The following RABGEF1 variants were observed in gnomAD, a reference collection of about 807,000 sequenced individuals.
RABGEF1 encodes RAB guanine nucleotide exchange factor 1, also known as rab5 GDP/GTP exchange factor.
A neutral mutation model predicts 57.3 loss-of-function variants in RABGEF1; 26 were observed. The ratio of observed to expected loss-of-function variants is 0.45; its 90% confidence interval spans 0.33 to 0.63. The LOEUF (loss-of-function observed/expected upper bound fraction) is 0.63. RABGEF1 is among the 20% of genes least tolerant of loss of function. RABGEF1 has a pLI of 0.02. For synonymous variants in RABGEF1, 185 were observed against 210.7 expected (o/e 0.88, Z 1.06); for missense variants, 464 against 607.6 (o/e 0.76, Z 2.48).
At chr7:66,759,745 AG>A (rs1562800729) in intron 1 of RABGEF1, among the ~76,000 whole-genome samples, 2 of 152,156 alleles carry the variant, frequency 1.3e-5, no homozygotes, top group Non-Finnish European at 2.9e-5. Flanking sequence ...ACAGAACCAC[AG>A]GGGATGGTGC....
intron 1 of RABGEF1, among the ~76,000 whole-genome samples, chr7:66,748,517 G>A (rs570182124): frequency 8.5e-5 from 13 of 152,294 alleles, no homozygotes; most frequent in East Asian, 1.9e-4. Flanking sequence ...GGGGTATCAC[G>A]ATGGAACAGT....
chr7:66,719,153 G>A (rs116938418), intron 2 of RABGEF1, among the ~76,000 whole-genome samples: 1,636 of 152,302 alleles, frequency 0.011, 13 homozygotes, highest in Non-Finnish European at 0.017. Context: ...AGTAGGGAAC[G>A]GCAATTAACA....
rs769730700 is a variant in RABGEF1 at position 66,797,358 on chromosome 7, T to C, written c.596-16T>C. The C allele has an allele frequency of 4.4e-6, 7 of 1,587,440 alleles. 1 individual carries two copies. The highest frequency in any genetic ancestry group is 1.4e-5 in the African/African-American group (1 of 72,928). ...AATATATATATCTTGATCTTTTCTCTGTCTGGTTATTTCAGTGCCTCCAGA... is the reference window on the plus strand; with the variant it reads ...AATATATATATCTTGATCTTTTCTCCGTCTGGTTATTTCAGTGCCTCCAGA... On this transcript the variant is annotated splice_polypyrimidine_tract_variant and intron_variant, in intron 5 of 8. Coordinates refer to ENST00000284957, the MANE Select transcript of RABGEF1 (RefSeq NM_014504.3).
At chr7:66,687,225 A>G (rs1393118278) in intron 1 of RABGEF1, among the ~76,000 whole-genome samples, 2 of 148,750 alleles carry the variant, frequency 1.3e-5, no homozygotes, top group African/African-American at 5.0e-5. Flanking sequence ...TCCCAAGTTC[A>G]AGCAGTCCTC....
chr7:66,770,695 G>T (rs1263056134), intron 1 of RABGEF1, among the ~76,000 whole-genome samples: 4 of 152,116 alleles, frequency 2.6e-5, no homozygotes, highest in Admixed American at 6.5e-5. Context: ...TGTTGCCCAG[G>T]CTGGTCCTGA....
chr7:66,737,625 G>A (rs575821450), upstream of RABGEF1, among the ~76,000 whole-genome samples: 1 of 152,260 alleles, frequency 6.6e-6, no homozygotes, highest in Admixed American at 6.5e-5. Flanking sequence ...TTTTGCCAAG[G>A]AAAGTCTTTT....
chr7:66,750,878 A>G (rs1369125269), intron 1 of RABGEF1, among the ~76,000 whole-genome samples: 1 of 152,248 alleles, frequency 6.6e-6, no homozygotes, highest in Non-Finnish European at 1.5e-5. Context: ...TCTGAGTACT[A>G]GAAAATACTC....
chr7:66,665,309 T>TG, the RABGEF1 span: 1 of 92,440 alleles, frequency 1.1e-5, no homozygotes, highest in Non-Finnish European at 2.2e-5. Flanking sequence ...TATGCCGTGC[T>TG]AATTTTTTTT....
intron 1 of RABGEF1, among the ~76,000 whole-genome samples, chr7:66,685,943 A>C (rs1229260493): frequency 1.3e-5 from 2 of 152,280 alleles, no homozygotes; most frequent in East Asian, 3.9e-4. Context: ...GTGACTCAGA[A>C]TAGAAATGGT....
intron 1 of RABGEF1, among the ~76,000 whole-genome samples, chr7:66,758,999 A>G (rs1362726236): frequency 6.6e-6 from 1 of 152,236 alleles, no homozygotes; most frequent in African/African-American, 2.4e-5. Context: ...CATGTTACAT[A>G]ACTATAATGT....
At chr7:66,794,003 G>A (rs1404654117) in intron 4 of RABGEF1, among the ~76,000 whole-genome samples, 2 of 152,056 alleles carry the variant, frequency 1.3e-5, no homozygotes, top group Non-Finnish European at 2.9e-5. Context: ...TTTGATTTTG[G>A]TGTCAGAATT....
intron 2 of RABGEF1, among the ~76,000 whole-genome samples, chr7:66,724,159 C>T (rs1796344574): frequency 6.6e-6 from 1 of 152,040 alleles, no homozygotes; most frequent in Admixed American, 6.6e-5. Context: ...TTCCCCCCAG[C>T]ACTCTAAAGA....
chr7:66,787,567 ACTC>A (rs1811519900), intron 4 of RABGEF1, among the ~76,000 whole-genome samples: 1 of 151,068 alleles, frequency 6.6e-6, no homozygotes, highest in African/African-American at 2.4e-5. Context: ...CTGGTCATGA[ACTC>A]CTAGCCTCAC....
intron 1 of RABGEF1, among the ~76,000 whole-genome samples, chr7:66,764,472 A>G (rs1352987787): frequency 2.0e-5 from 3 of 152,166 alleles, no homozygotes; most frequent in African/African-American, 7.2e-5. Flanking sequence ...TTGGAGTACA[A>G]TTTATCTGTC....
chr7:66,737,067 AGAGAGT>A (rs1382098765), upstream of RABGEF1, among the ~76,000 whole-genome samples: 2 of 85,568 alleles, frequency 2.3e-5, no homozygotes, highest in East Asian at 5.3e-4. Flanking sequence ...AGAGAGAGAG[AGAGAGT>A]GAGAGAGAGA....
chr7:66,705,443 A>AAGAGAGAGAG lies in RABGEF1; in HGVS notation c.-872-6689_-872-6680dup, dbSNP rs57856916. Reference sequence around the variant, plus strand: ...CAGAGCGAAACTCCATCTCGAAAGAAAGAGAGAGAGAGAGAGAGAGAGAGA... The same window carrying AAGAGAGAGAG: ...CAGAGCGAAACTCCATCTCGAAAGAAAGAGAGAGAGAGAGAGAGAGAGAGAGAGAGAGAGA... On this transcript the variant is annotated intron_variant and NMD_transcript_variant, in intron 1 of 9. Transcript: ENST00000607882. Among the ~76,000 whole-genome samples the AAGAGAGAGAG allele has an allele frequency of 5.1e-4, 34 of 66,356 alleles. 1 individual carries two copies. Among genetic ancestry groups the AAGAGAGAGAG allele is most frequent in the African/African-American group, 1.6e-3 (21 of 13,146 alleles). 43.5% of individuals were successfully genotyped at this position (66,356 alleles called of 152,430 possible).
intron 2 of RABGEF1, among the ~76,000 whole-genome samples, chr7:66,718,205 C>T (rs953917372): frequency 1.3e-5 from 2 of 151,998 alleles, no homozygotes; most frequent in African/African-American, 4.8e-5. Flanking sequence ...AAATATTAGG[C>T]GTGGTGGTGC....
chr7:66,759,080 G>A (rs780500652), intron 1 of RABGEF1, among the ~76,000 whole-genome samples: 36 of 152,060 alleles, frequency 2.4e-4, no homozygotes, highest in Non-Finnish European at 4.6e-4. Context: ...CATCTCATAC[G>A]TAGATTCCTG....
At chr7:66,682,424 G>T (rs568134129) in intron 1 of RABGEF1, among the ~76,000 whole-genome samples, 2 of 152,194 alleles carry the variant, frequency 1.3e-5, no homozygotes, top group African/African-American at 4.8e-5. Context: ...CGCCTGCCCC[G>T]TTTCAGGCCG....
Sources: gnomAD v4.1 joint callset for allele counts (sites outside exome capture counted in the v4.1 genomes callset) on GRCh38, gnomAD v4.1.1 for gene constraint, MANE v1.5 for transcripts, NCBI Gene and HGNC (gene_info 2026-07-23, HGNC 2026-07-21) for gene names.